Variants in PKN2 observed in about 807,000 individuals in gnomAD.
PKN2 encodes serine/threonine-protein kinase N2.
A neutral mutation model predicts 119.1 loss-of-function variants in PKN2; 38 were observed. The ratio of observed to expected loss-of-function variants is 0.32; its 90% CI spans 0.25 to 0.42. PKN2 has a LOEUF of 0.42. Among genes scored for constraint, PKN2 ranks in the 10% least tolerant of loss-of-function variants. The pLI is 1.00. For synonymous variants in PKN2, 390 were observed against 384.9 expected, an observed-to-expected ratio of 1.01 and a Z score of -0.15; for missense variants, 850 against 1,165.1, an observed-to-expected ratio of 0.73 and a Z score of 3.94.
chr1:88,807,797 T>A (rs776485793), intron 15 of PKN2, 22 bp downstream of exon 15: 3 of 1,369,778 alleles, frequency 2.2e-6, no homozygotes, highest in Middle Eastern at 1.9e-4. Context: ...AAAATGAAAT[T>A]GTTTATTTTT....
rs1266058194 is a variant in PKN2, at chr1:88,834,732, A to T, written c.*1284A>T. ...AATATTTTATACAACTCTTCAAAGG[A>T]TCCGTCTGTGGCTTTTTATACTCTT... On this transcript the variant is annotated 3_prime_UTR_variant, in exon 22 of 22. Transcript: ENST00000370521. The T allele has an allele frequency of 6.6e-6, 1 of 152,260 alleles. No individual in the cohort carries two copies. Among genetic ancestry groups the T allele is most frequent in the Non-Finnish European group, 1.5e-5 (1 of 67,954 alleles). 9.4% of individuals were successfully genotyped at this position (152,260 alleles called of 1,614,324 possible). A position where few individuals can be genotyped will look rare whatever the true frequency, so the allele number is the denominator to read the frequency against.
intron 3 of PKN2, among the ~76,000 whole-genome samples, chr1:88,764,968 A>G (rs1438329552): frequency 6.6e-6 from 1 of 152,034 alleles, no homozygotes; most frequent in South Asian, 2.1e-4. Flanking sequence ...TCTGTCGCCT[A>G]GGCTCAAGTG....
intron 1 of PKN2, among the ~76,000 whole-genome samples, chr1:88,733,822 G>A (rs1668236667): frequency 6.6e-6 from 1 of 152,124 alleles, no homozygotes. Flanking sequence ...ATCAAATTTT[G>A]AAAATTCAAA....
rs116434119 is a variant in PKN2, at chr1:88,819,181, G to A, written c.2280-2760G>A. Among the ~76,000 whole-genome samples the A allele has an allele frequency of 3.5e-3, 529 of 152,244 alleles. 2 individuals carry two copies. The highest frequency in any genetic ancestry group is 0.012 in the African/African-American group (494 of 41,540). On this transcript the variant is annotated intron_variant, in intron 16 of 21. Coordinates refer to ENST00000370521, the MANE Select transcript of PKN2 (RefSeq NM_006256.4). ...CAACCAAAGCCAAAATTAACAAATG[G>A]GATCTGATTAAAGAGCTTCTGCACA...
At chr1:88,698,498 G>C (rs1045225056) in intron 1 of PKN2, among the ~76,000 whole-genome samples, 4 of 152,234 alleles carry the variant, frequency 2.6e-5, no homozygotes, top group Non-Finnish European at 5.9e-5. Context: ...GAAGGACCTA[G>C]ACTTCGCCAA....
chr1:88,694,950 ACC>A (rs1666477136), intron 1 of PKN2, among the ~76,000 whole-genome samples: 1 of 152,092 alleles, frequency 6.6e-6, no homozygotes, highest in Non-Finnish European at 1.5e-5. Context: ...TCACAGTGAA[ACC>A]CCGTCTGTAC....
intron 2 of PKN2, among the ~76,000 whole-genome samples, chr1:88,756,854 A>G (rs921451811): frequency 6.6e-6 from 1 of 152,114 alleles, no homozygotes; most frequent in Non-Finnish European, 1.5e-5. Context: ...AGCTCTGTAC[A>G]CATAATTTAT....
intron 11 of PKN2, 48 bp from the exon 12 acceptor site, chr1:88,805,843 T>TA: frequency 6.2e-7 from 1 of 1,610,362 alleles, no homozygotes; most frequent in South Asian, 1.1e-5. Flanking sequence ...CTGTTTAAAA[T>TA]ACAGACTTTC....
intron 8 of PKN2, among the ~76,000 whole-genome samples, chr1:88,796,380 C>T (rs1264396356): frequency 6.6e-6 from 1 of 150,526 alleles, no homozygotes; most frequent in Non-Finnish European, 1.5e-5. Flanking sequence ...CCTTTAGTAC[C>T]AGCCTGTAAC....
chr1:88,807,699 T>C lies in PKN2; in HGVS notation c.2026T>C (p.Tyr676His). The change falls in exon 15 of 22, where the codon TAT (tyrosine) becomes CAT (histidine). Residue 676 changes from tyrosine to histidine, a missense_variant. By Grantham distance (83) the Tyr-to-His change is moderately conservative (BLOSUM62 2). Coordinates refer to ENST00000370521, the MANE Select transcript of PKN2 (RefSeq NM_006256.4). ...GHFGKVLLAEYKNTNEMFAIK... is the reference protein window; with the variant it reads ...GHFGKVLLAEHKNTNEMFAIK... ...TTTATTTCAGGTGCTTTTAGCTGAA[T>C]ATAAAAACACAAATGAGATGTTTGC... is the stretch of plus-strand genomic sequence containing the variant. 1 of 1,596,902 alleles carries C rather than the reference T, an allele frequency of 6.3e-7. No individual in the cohort carries two copies. Among genetic ancestry groups the C allele is most frequent in the South Asian group, 1.1e-5 (1 of 88,274 alleles).
chr1:88,796,171 ATCTT>A (rs1475150519), intron 8 of PKN2, among the ~76,000 whole-genome samples: 1 of 152,012 alleles, frequency 6.6e-6, no homozygotes, highest in African/African-American at 2.4e-5. Flanking sequence ...TTTTTTTCAG[ATCTT>A]AGAATCTTTG....
rs1570616588 is a variant in PKN2, at chr1:88,778,323, CT to C, written c.986-6313del. Among the ~76,000 whole-genome samples, 4 of 152,212 alleles carry C rather than the reference CT, an allele frequency of 2.6e-5. No individual in the cohort carries two copies. The East Asian group carries it at 5.8e-4, about 22-fold the overall frequency. On this transcript the variant is annotated intron_variant, in intron 6 of 21. Transcript: ENST00000370521. The stretch of plus-strand genomic sequence containing the variant: ...CATCTGGTGTTTCAACAGACATTTC[CT>C]TTAATTCCTGAAGAAGAAAAGATTG...
chr1:88,805,262 C>CTTAACCACATA (rs57985360), intron 10 of PKN2, among the ~76,000 whole-genome samples: 10,914 of 151,862 alleles, frequency 0.072, 836 homozygotes, highest in African/African-American at 0.19. Context: ...TTTTTAAAAC[C>CTTAACCACATA]TTACTACTAG....
At chr1:88,829,420 A>C in intron 19 of PKN2, 1 of 237,042 alleles carries the variant, frequency 4.2e-6, no homozygotes, top group South Asian at 9.7e-5. Flanking sequence ...AGATTGTTAA[A>C]TAAAATATAA....
chr1:88,743,939 G>A (rs1668668690), intron 2 of PKN2, among the ~76,000 whole-genome samples: 1 of 152,032 alleles, frequency 6.6e-6, no homozygotes, highest in African/African-American at 2.4e-5. Flanking sequence ...ACTTTATACT[G>A]TGACTTCTTA....
intron 1 of PKN2, among the ~76,000 whole-genome samples, chr1:88,705,596 G>T (rs1423653423): frequency 2.6e-5 from 4 of 152,156 alleles, no homozygotes; most frequent in South Asian, 2.1e-4. Flanking sequence ...TACTTGAGAG[G>T]CTGAGGCAGG....
Position 88,805,194 on chromosome 1 carries a change from A to G in PKN2, c.1501+273A>G, listed in dbSNP as rs149578346. Among the ~76,000 whole-genome samples, 394 of 152,258 alleles carry G rather than the reference A, an allele frequency of 2.6e-3. 2 individuals are homozygous for G. Among genetic ancestry groups the G allele is most frequent in the African/African-American group, 9.1e-3 (378 of 41,568 alleles). ...ACTTTCTCAAATTTGAAGCAAACCCAGACATCATATTGATGTATTCATAAT... is the reference window on the plus strand; with the variant it reads ...ACTTTCTCAAATTTGAAGCAAACCCGGACATCATATTGATGTATTCATAAT... On this transcript the variant is annotated intron_variant, in intron 10 of 21. Coordinates refer to ENST00000370521, the MANE Select transcript of PKN2 (RefSeq NM_006256.4).
chr1:88,789,430 A>T (rs1396555598), intron 8 of PKN2, among the ~76,000 whole-genome samples: 1 of 152,094 alleles, frequency 6.6e-6, no homozygotes, highest in Non-Finnish European at 1.5e-5. Context: ...GGGGAGGCCG[A>T]GGCGGGCGGA....
chr1:88,791,767 AT>A (rs1368955517), intron 8 of PKN2, among the ~76,000 whole-genome samples: 1 of 152,194 alleles, frequency 6.6e-6, no homozygotes, highest in Non-Finnish European at 1.5e-5. Flanking sequence ...TGAGGTTTGA[AT>A]AAGAGTATTG....
Sources: allele counts gnomAD v4.1 joint callset (sites outside exome capture counted in the v4.1 genomes callset), GRCh38; gene constraint gnomAD v4.1.1; transcripts MANE v1.5; gene names NCBI Gene and HGNC (gene_info 2026-07-23, HGNC 2026-07-21).